The following KLF8 variants were observed in gnomAD, a reference collection of about 807,000 sequenced individuals.
KLF8 encodes the protein KLF transcription factor 8.
In KLF8, 10 loss-of-function variants were observed where a neutral mutation model predicts 18.2. The ratio of observed to expected loss-of-function variants is 0.55; its 90% CI spans 0.34 to 0.93. The LOEUF is 0.93. Among genes scored for constraint, KLF8 ranks in the 40% least tolerant of loss-of-function variants. The pLI is 0.02. For missense variants in KLF8, 264 were observed against 277.9 expected, an observed-to-expected ratio of 0.95 and a Z score of 0.36; for synonymous variants, 109 against 97.3, an observed-to-expected ratio of 1.12 and a Z score of -0.71.
At chrX:56,213,309 CTTTTCTTTTTTTTTT>C in the KLF8 span, among the ~76,000 whole-genome samples, 2 of 23,491 alleles carry the variant, frequency 8.5e-5, no homozygotes, top group Non-Finnish European at 1.6e-4. Flanking sequence ...CTTTTCTTTT[CTTTTCTTTTTTTTTT>C]TTTTTTTTTT....
the KLF8 span, among the ~76,000 whole-genome samples, chrX:56,133,263 T>G: frequency 6.3e-5 from 7 of 111,801 alleles, no homozygotes; most frequent in Admixed American, 3.8e-4. Flanking sequence ...GCAAATATCC[T>G]TAACAAAATA....
At chrX:56,187,737 G>A in the KLF8 span, among the ~76,000 whole-genome samples, 1 of 111,118 alleles carries the variant, frequency 9.0e-6, no homozygotes, top group African/African-American at 3.3e-5. Flanking sequence ...ATCAATAAAT[G>A]TAATCCAGCA....
At chrX:55,978,652 A>G in the KLF8 span, among the ~76,000 whole-genome samples, 1 of 111,471 alleles carries the variant, frequency 9.0e-6, no homozygotes, top group Non-Finnish European at 1.9e-5. Flanking sequence ...TCATTGTTTT[A>G]CATTTTTTAA....
At chrX:56,107,073 G>C in the KLF8 span, among the ~76,000 whole-genome samples, 3 of 111,695 alleles carry the variant, frequency 2.7e-5, no homozygotes, top group African/African-American at 9.8e-5. Context: ...ATTGCTGCCT[G>C]ATCATTCCTC....
chrX:55,922,980 A>T, the KLF8 span, among the ~76,000 whole-genome samples: 1 of 111,836 alleles, frequency 8.9e-6, no homozygotes, highest in Admixed American at 9.5e-5. Context: ...TACTGAGTAT[A>T]TACCCAGAGA....
chrX:56,066,003 C>T, the KLF8 span, among the ~76,000 whole-genome samples: 2 of 111,444 alleles, frequency 1.8e-5, no homozygotes, highest in East Asian at 5.6e-4. Context: ...TGTTGGACCC[C>T]AAACAGCTTG....
chrX:56,021,284 T>C, the KLF8 span, among the ~76,000 whole-genome samples: 1 of 112,086 alleles, frequency 8.9e-6, no homozygotes, highest in Admixed American at 9.5e-5. Context: ...AGCAGTGGTT[T>C]GTTCTTTTTT....
the KLF8 span, among the ~76,000 whole-genome samples, chrX:55,940,930 G>A: frequency 0.086 from 9,535 of 111,183 alleles, 1,003 homozygotes; most frequent in African/African-American, 0.3. Flanking sequence ...AATCAATATC[G>A]TGAAAATGGC....
chrX:56,265,349 T>A lies in KLF8; in HGVS notation c.251T>A (p.Val84Glu), dbSNP rs1160583250. 1 of 1,209,561 alleles carries A rather than the reference T, an allele frequency of 8.3e-7. No homozygotes were observed. Among genetic ancestry groups the A allele is most frequent in the African/African-American group, 1.7e-5 (1 of 57,659 alleles). The stretch of plus-strand genomic sequence containing the variant: ...GCTAGTGATTTCAGCCTGCCCCAAG[T>A]GGAACCAGTTGACCTCTCCTTTCAC... ...LLASDFSLPQVEPVDLSFHKP... is the reference protein window; with the variant it reads ...LLASDFSLPQEEPVDLSFHKP... The change falls in exon 3 of 6, where the codon GTG becomes GAG. Residue 84 changes from valine to glutamate, a missense_variant. By Grantham distance (121) the Val-to-Glu change is moderately radical. Transcript: ENST00000468660.
chrX:56,189,074 T>A, the KLF8 span, among the ~76,000 whole-genome samples: 15 of 110,633 alleles, frequency 1.4e-4, no homozygotes, highest in South Asian at 1.5e-3. Flanking sequence ...ACCATCAGAG[T>A]GAACAGGCAG....
chrX:56,202,066 T>C, the KLF8 span, among the ~76,000 whole-genome samples: 1 of 111,229 alleles, frequency 9.0e-6, no homozygotes, highest in African/African-American at 3.3e-5. Flanking sequence ...CTTGCAAGTA[T>C]CTGAGCCTCC....
At chrX:55,926,795 A>G in the KLF8 span, among the ~76,000 whole-genome samples, 1 of 110,492 alleles carries the variant, frequency 9.1e-6, no homozygotes, top group Non-Finnish European at 1.9e-5. Context: ...TTTGTAACTC[A>G]AGGGCTAAAG....
the KLF8 span, among the ~76,000 whole-genome samples, chrX:55,952,861 A>T: frequency 0.024 from 2,724 of 111,798 alleles, 73 homozygotes; most frequent in African/African-American, 0.085. Flanking sequence ...TGATAAATGC[A>T]TTAATGCCAT....
the KLF8 span, among the ~76,000 whole-genome samples, chrX:56,170,901 G>T: frequency 9.0e-6 from 1 of 111,714 alleles, no homozygotes; most frequent in Non-Finnish European, 1.9e-5. Flanking sequence ...AACTCTCAAA[G>T]GTCAGAGATG....
At chrX:55,938,333 T>C in the KLF8 span, among the ~76,000 whole-genome samples, 27 of 111,511 alleles carry the variant, frequency 2.4e-4, no homozygotes, top group East Asian at 7.6e-3. Context: ...CTGAGAGATT[T>C]TGTTACCACC....
At chrX:56,154,186 A>G in the KLF8 span, among the ~76,000 whole-genome samples, 1 of 111,752 alleles carries the variant, frequency 8.9e-6, no homozygotes, top group Admixed American at 9.6e-5. Flanking sequence ...AAACTATACT[A>G]CAAGGCTACA....
chrX:56,174,706 G>T, the KLF8 span, among the ~76,000 whole-genome samples: 1 of 111,258 alleles, frequency 9.0e-6, no homozygotes, highest in Non-Finnish European at 1.9e-5. Context: ...GTAGATTTCG[G>T]CTGTGAATCT....
the KLF8 span, among the ~76,000 whole-genome samples, chrX:55,954,590 C>T: frequency 2.7e-5 from 3 of 111,907 alleles, no homozygotes; most frequent in South Asian, 3.7e-4. Context: ...TTTGTGGAAA[C>T]GTAAAGTAGT....
the KLF8 span, among the ~76,000 whole-genome samples, chrX:56,139,635 G>C: frequency 4.5e-5 from 5 of 111,716 alleles, no homozygotes; most frequent in Admixed American, 9.5e-5. Flanking sequence ...ACTCAAGATG[G>C]ATTAAGACTT....
Sources: allele counts gnomAD v4.1 joint callset (sites outside exome capture counted in the v4.1 genomes callset), GRCh38; gene constraint gnomAD v4.1.1; transcripts MANE v1.5; gene names NCBI Gene and HGNC (gene_info 2026-07-23, HGNC 2026-07-21).